Variants in MNAT1 observed in about 807,000 individuals in gnomAD.
MNAT1 encodes MNAT1 component of CDK activating kinase, also known as CDK-activating kinase assembly factor MAT1.
Under a neutral mutation model 42.0 loss-of-function variants are expected in MNAT1, and 43 were observed. The observed-to-expected ratio is 1.02, with a 90% CI of 0.80 to 1.32. The LOEUF is 1.32. MNAT1 is among the 40% of genes most tolerant of loss of function. The pLI, the probability that MNAT1 is intolerant of heterozygous loss-of-function variation, is 0.00. For synonymous variants in MNAT1, 118 were observed against 120.0 expected (o/e 0.98, Z 0.11); for missense variants, 306 against 350.4 (o/e 0.87, Z 1.01).
At chr14:60,821,202 A>C (rs1035883395) in intron 6 of MNAT1, among the ~76,000 whole-genome samples, 3 of 152,146 alleles carry the variant, frequency 2.0e-5, no homozygotes, top group African/African-American at 4.8e-5. Context: ...GGCTGGCCTC[A>C]AACTCCTGAG....
At chr14:60,825,107 A>G (rs1012599526) in intron 6 of MNAT1, among the ~76,000 whole-genome samples, 1 of 152,184 alleles carries the variant, frequency 6.6e-6, no homozygotes, top group Non-Finnish European at 1.5e-5. Context: ...TAAATAACTC[A>G]TATATGTGAT....
intron 7 of MNAT1, among the ~76,000 whole-genome samples, chr14:60,934,542 T>A (rs978772628): frequency 2.0e-5 from 3 of 152,194 alleles, no homozygotes; most frequent in Admixed American, 6.5e-5. Context: ...CGAGATCTGA[T>A]GGTTTTAAAA....
At chr14:60,930,010 G>T (rs946265627) in intron 7 of MNAT1, among the ~76,000 whole-genome samples, 1 of 151,770 alleles carries the variant, frequency 6.6e-6, no homozygotes, top group African/African-American at 2.4e-5. Flanking sequence ...GCATTCAGAG[G>T]TCAGAAAAAT....
At chr14:60,852,806 CT>C (rs1301022597) in intron 6 of MNAT1, among the ~76,000 whole-genome samples, 2 of 152,094 alleles carry the variant, frequency 1.3e-5, no homozygotes, top group African/African-American at 4.8e-5. Flanking sequence ...ATAGGGAATC[CT>C]TTCCCCATTT....
At chr14:60,842,495 G>C (rs2139403297) in intron 6 of MNAT1, among the ~76,000 whole-genome samples, 1 of 152,278 alleles carries the variant, frequency 6.6e-6, no homozygotes, top group South Asian at 2.1e-4. Context: ...GGGGCTCACA[G>C]TTCTGTACTG....
chr14:60,761,212 T>C (rs959192236), intron 1 of MNAT1, among the ~76,000 whole-genome samples: 38 of 152,324 alleles, frequency 2.5e-4, no homozygotes, highest in African/African-American at 8.7e-4. Flanking sequence ...AAGTTAGGGT[T>C]GGAAGGGTTC....
chr14:60,901,942 T>A lies in MNAT1; in HGVS notation c.809+22107T>A, dbSNP rs113241376. 3.1e-3 allele frequency among the ~76,000 whole-genome samples: 469 copies of A among 152,272 alleles called. 1 individual carries two copies. Among genetic ancestry groups the A allele is most frequent in the African/African-American group, 0.011 (446 of 41,556 alleles). ...CTGAGCTGATAAAGCAGTGATAGGG[T>A]TTGAGAGGATTGCCTCTAATTTTTA... On this transcript the variant is annotated intron_variant, in intron 7 of 7. Transcript: ENST00000261245.
chr14:60,897,990 C>T (rs772471221), intron 7 of MNAT1, among the ~76,000 whole-genome samples: 48 of 151,996 alleles, frequency 3.2e-4, no homozygotes, highest in Admixed American at 7.9e-4. Context: ...CAAAAGTTGT[C>T]TTTCTGTGTC....
intron 6 of MNAT1, among the ~76,000 whole-genome samples, chr14:60,824,854 G>T (rs977836932): frequency 6.6e-6 from 1 of 152,066 alleles, no homozygotes. Context: ...ATTTTATAAT[G>T]CCCTTGAACC....
chr14:60,786,485 T>C (rs2031655671), intron 1 of MNAT1, among the ~76,000 whole-genome samples: 2 of 152,124 alleles, frequency 1.3e-5, no homozygotes, highest in Admixed American at 1.3e-4. Flanking sequence ...TTAAAAGTTA[T>C]TGATGACCCT....
chr14:60,829,951 G>A (rs1048107092), intron 6 of MNAT1, among the ~76,000 whole-genome samples: 2 of 152,198 alleles, frequency 1.3e-5, no homozygotes, highest in African/African-American at 4.8e-5. Flanking sequence ...CAAAGCAGTG[G>A]TTGCTGTTGG....
At chr14:60,911,108 G>A (rs1044009987) in intron 7 of MNAT1, among the ~76,000 whole-genome samples, 5 of 151,684 alleles carry the variant, frequency 3.3e-5, no homozygotes, top group Admixed American at 6.6e-5. Flanking sequence ...TAGTTTATTT[G>A]TGTAGAGGTG....
chr14:60,929,148 CAAAAAAAAAA>C (rs550828218), intron 7 of MNAT1, among the ~76,000 whole-genome samples: 4 of 56,080 alleles, frequency 7.1e-5, no homozygotes, highest in South Asian at 6.7e-4. Context: ...CTCCATCTCC[CAAAAAAAAAA>C]AAAAAAAAAA....
At chr14:60,768,591 A>G (rs765369421) in intron 1 of MNAT1, among the ~76,000 whole-genome samples, 4 of 152,210 alleles carry the variant, frequency 2.6e-5, no homozygotes, top group Non-Finnish European at 4.4e-5. Context: ...AAAAATTACT[A>G]CTACTTATAC....
chr14:60,913,318 C>T (rs1174033154), intron 7 of MNAT1, among the ~76,000 whole-genome samples: 1 of 152,174 alleles, frequency 6.6e-6, no homozygotes, highest in Non-Finnish European at 1.5e-5. Flanking sequence ...AAGCCTTCCT[C>T]TCTCAACTCG....
chr14:60,849,489 TCAATATAATGAA>T (rs2033767454), intron 6 of MNAT1, among the ~76,000 whole-genome samples: 2 of 152,188 alleles, frequency 1.3e-5, no homozygotes, highest in African/African-American at 4.8e-5. Flanking sequence ...ACGCCTAAAG[TCAATATAATGAA>T]GTGTTTTGAA....
intron 7 of MNAT1, among the ~76,000 whole-genome samples, chr14:60,892,951 T>C (rs4151313): frequency 9.2e-5 from 14 of 152,104 alleles, no homozygotes; most frequent in Admixed American, 6.6e-5. Flanking sequence ...AAATTATTTT[T>C]TTAAATGTGT....
At chr14:60,777,130 G>A (rs1240480529) in intron 1 of MNAT1, among the ~76,000 whole-genome samples, 4 of 152,288 alleles carry the variant, frequency 2.6e-5, no homozygotes, top group Non-Finnish European at 2.9e-5. Flanking sequence ...GATTACAGGC[G>A]TGAGCCACCA....
At chr14:60,774,659 A>T (rs1224015824) in intron 1 of MNAT1, among the ~76,000 whole-genome samples, 2 of 152,234 alleles carry the variant, frequency 1.3e-5, no homozygotes, top group African/African-American at 2.4e-5. Flanking sequence ...ATAGTGGCAT[A>T]TAACAGTGCA....
Sources: gnomAD v4.1 joint callset for allele counts (sites outside exome capture counted in the v4.1 genomes callset) on GRCh38, gnomAD v4.1.1 for gene constraint, MANE v1.5 for transcripts, NCBI Gene and HGNC (gene_info 2026-07-23, HGNC 2026-07-21) for gene names.